Variants in UTS2 observed in about 807,000 individuals in gnomAD.
The protein encoded by UTS2 is urotensin 2, also known as urotensin-2.
UTS2 carries 10 observed loss-of-function variants against 12.6 expected under a neutral mutation model. The observed-to-expected ratio is 0.80, with a 90% CI of 0.49 to 1.35. The LOEUF is 1.35. UTS2 is among the 40% of genes most tolerant of loss of function. UTS2 has a pLI of 0.00. For missense variants in UTS2, 142 were observed against 143.2 expected (o/e 0.99, Z 0.04); for synonymous variants, 52 against 50.0 (o/e 1.04, Z -0.17).
the UTS2 span, among the ~76,000 whole-genome samples, chr1:7,909,903 C>T: frequency 1.2e-4 from 18 of 152,114 alleles, no homozygotes; most frequent in South Asian, 4.1e-4. Flanking sequence ...CGTGAGCCAC[C>T]GCGCCCAGCC....
At chr1:7,879,465 G>C in the UTS2 span, among the ~76,000 whole-genome samples, 1 of 152,148 alleles carries the variant, frequency 6.6e-6, no homozygotes, top group Non-Finnish European at 1.5e-5. Context: ...AACAAGTCAG[G>C]CATGATGGCT....
At chr1:7,890,728 C>CAAAAAA in the UTS2 span, among the ~76,000 whole-genome samples, 1 of 107,338 alleles carries the variant, frequency 9.3e-6, no homozygotes, top group Non-Finnish European at 1.8e-5. Flanking sequence ...CCCATCTCCA[C>CAAAAAA]AAAAAAAAAA....
At chr1:7,858,036 A>AGAT (rs1638350029), upstream of UTS2, among the ~76,000 whole-genome samples, 1 of 152,128 alleles carries the variant, frequency 6.6e-6, no homozygotes, top group Non-Finnish European at 1.5e-5. Context: ...ATGAGGTGGG[A>AGAT]GATGAACTCT....
At chr1:7,885,922 T>TGGGGGGGG in the UTS2 span, among the ~76,000 whole-genome samples, 1 of 91,934 alleles carries the variant, frequency 1.1e-5, no homozygotes. Context: ...GGGGGGCGGG[T>TGGGGGGGG]GGAGGTGGAG....
At chr1:7,856,438 G>A (rs2151385141), upstream of UTS2, among the ~76,000 whole-genome samples, 1 of 152,336 alleles carries the variant, frequency 6.6e-6, no homozygotes. Context: ...CATCTGAGCA[G>A]GAGCCGAAAG....
the UTS2 span, among the ~76,000 whole-genome samples, chr1:7,912,645 G>A: frequency 3.3e-5 from 5 of 152,066 alleles, no homozygotes; most frequent in African/African-American, 9.6e-5. Flanking sequence ...TAGTAGAGAC[G>A]GTGTTTCACC....
At chr1:7,905,780 T>C in the UTS2 span, among the ~76,000 whole-genome samples, 19 of 152,302 alleles carry the variant, frequency 1.2e-4, no homozygotes, top group Admixed American at 9.8e-4. Flanking sequence ...TATTTTCTGG[T>C]GGTTTCAAGG....
Position 7,849,808 on chromosome 1 carries a change from G to A in UTS2, c.215-125C>T, listed in dbSNP as rs1380021670. 3 of 798,842 alleles carry A rather than the reference G, an allele frequency of 3.8e-6. No homozygotes were observed. In the African/African-American group the frequency reaches 5.3e-5, roughly 14 times the overall value. The allele number at this position is 798,842 out of a possible 1,614,324, so 49.5% of individuals were successfully genotyped here. On this transcript the variant is annotated intron_variant, in intron 2 of 3. Transcript: ENST00000361696. ...CTGGTCTTTTTCCACACTGCAGCAA[G>A]CTTTTCTTGAATGCAGACAGACAGG...
chr1:7,899,117 C>A, the UTS2 span, among the ~76,000 whole-genome samples: 1 of 152,084 alleles, frequency 6.6e-6, no homozygotes, highest in African/African-American at 2.4e-5. Flanking sequence ...TTTTTAACAA[C>A]CAGATCTTGT....
At chr1:7,869,468 C>G in the UTS2 span, among the ~76,000 whole-genome samples, 26 of 152,346 alleles carry the variant, frequency 1.7e-4, no homozygotes, top group Admixed American at 7.2e-4. Context: ...GATGAGAGTG[C>G]TATTCCACAG....
chr1:7,860,595 G>A, the UTS2 span, among the ~76,000 whole-genome samples: 1 of 152,074 alleles, frequency 6.6e-6, no homozygotes, highest in East Asian at 2.0e-4. Context: ...TTCGAGACAG[G>A]GCCTCACTCT....
the UTS2 span, among the ~76,000 whole-genome samples, chr1:7,893,717 G>A: frequency 1.5e-4 from 23 of 152,254 alleles, no homozygotes; most frequent in East Asian, 7.7e-4. Context: ...GGGCACAGTC[G>A]CAGGGCTGGA....
the UTS2 span, among the ~76,000 whole-genome samples, chr1:7,878,093 C>T: frequency 6.6e-6 from 1 of 152,204 alleles, no homozygotes; most frequent in Non-Finnish European, 1.5e-5. Flanking sequence ...GATTTCTCAG[C>T]AGGCCTTACA....
At chr1:7,889,038 G>A in the UTS2 span, among the ~76,000 whole-genome samples, 1 of 151,016 alleles carries the variant, frequency 6.6e-6, no homozygotes, top group Non-Finnish European at 1.5e-5. Flanking sequence ...AAAGGGAAAC[G>A]CTCAACATAT....
the UTS2 span, among the ~76,000 whole-genome samples, chr1:7,873,280 AG>A: frequency 6.6e-6 from 1 of 152,228 alleles, no homozygotes; most frequent in South Asian, 2.1e-4. Flanking sequence ...TCATGGATCA[AG>A]GACTAACTTT....
the UTS2 span, among the ~76,000 whole-genome samples, chr1:7,901,287 G>C: frequency 3.4e-4 from 52 of 152,354 alleles, no homozygotes; most frequent in South Asian, 0.01. Context: ...AGGACAGTGA[G>C]AGTAGGATGT....
chr1:7,879,000 C>A, the UTS2 span, among the ~76,000 whole-genome samples: 1 of 152,074 alleles, frequency 6.6e-6, no homozygotes, highest in Non-Finnish European at 1.5e-5. Flanking sequence ...CCACAGTACC[C>A]AGATACATAA....
At chr1:7,906,694 A>G in the UTS2 span, among the ~76,000 whole-genome samples, 3 of 152,184 alleles carry the variant, frequency 2.0e-5, no homozygotes, top group African/African-American at 7.2e-5. Flanking sequence ...TATCAACACC[A>G]GTACTAACCC....
the UTS2 span, among the ~76,000 whole-genome samples, chr1:7,887,148 G>A: frequency 4.0e-5 from 6 of 151,046 alleles, no homozygotes; most frequent in Admixed American, 6.6e-5. Flanking sequence ...CTACCAAGTG[G>A]CATGTGGGGG....
Sources: allele counts gnomAD v4.1 joint callset (sites outside exome capture counted in the v4.1 genomes callset), GRCh38; gene constraint gnomAD v4.1.1; transcripts MANE v1.5; gene names NCBI Gene and HGNC (gene_info 2026-07-23, HGNC 2026-07-21).